ZNF37A: variants seen among roughly 807,000 people sequenced by gnomAD.
The protein encoded by ZNF37A is zinc finger protein 37A, also known as zinc finger protein 37a (KOX 21).
In ZNF37A, 10 loss-of-function variants were observed where a neutral mutation model predicts 12.3. The ratio of observed to expected loss-of-function variants is 0.82; its 90% confidence interval spans 0.50 to 1.38. ZNF37A has a LOEUF of 1.38. ZNF37A is among the 40% of genes most tolerant of loss of function. The probability of loss-of-function intolerance (pLI) is 0.00; values close to 1 mark genes in which losing one functional copy is unlikely to be tolerated. For synonymous variants in ZNF37A, 207 were observed against 223.0 expected (o/e 0.93, Z 0.64); for missense variants, 580 against 651.2 (o/e 0.89, Z 1.19).
intron 7 of ZNF37A, chr10:38,141,079 G>T (rs1222652236): frequency 6.6e-6 from 1 of 151,752 alleles, no homozygotes; most frequent in African/African-American, 2.4e-5. Context: ...GGTGAAACTT[G>T]AGGAGGAAAC....
intron 7 of ZNF37A, among the ~76,000 whole-genome samples, chr10:38,131,131 A>G (rs1357514647): frequency 6.6e-6 from 1 of 152,112 alleles, no homozygotes; most frequent in Non-Finnish European, 1.5e-5. Flanking sequence ...TATGGTTGGC[A>G]ATTATTTTAT....
chr10:38,110,810 A>G (rs978860268), intron 5 of ZNF37A, among the ~76,000 whole-genome samples: 1 of 152,246 alleles, frequency 6.6e-6, no homozygotes, highest in African/African-American at 2.4e-5. Flanking sequence ...TAGAATAGCA[A>G]TCATTAAAAA....
chr10:38,099,173 A>G (rs759212436), intron 5 of ZNF37A, among the ~76,000 whole-genome samples: 6 of 152,170 alleles, frequency 3.9e-5, no homozygotes, highest in Non-Finnish European at 8.8e-5. Flanking sequence ...TGGGATGTAC[A>G]ATTCAGAAGC....
intron 5 of ZNF37A, among the ~76,000 whole-genome samples, chr10:38,112,973 A>G (rs1013547814): frequency 2.3e-4 from 35 of 151,230 alleles, no homozygotes; most frequent in African/African-American, 8.3e-4. Context: ...ATGTCTGGCT[A>G]ATTTTTGTAT....
chr10:38,108,513 A>G (rs2068337539), intron 5 of ZNF37A, among the ~76,000 whole-genome samples: 1 of 152,202 alleles, frequency 6.6e-6, no homozygotes, highest in African/African-American at 2.4e-5. Context: ...ACGGAGATAG[A>G]GATACGAAAA....
At chr10:38,106,804 G>C (rs995306801) in intron 5 of ZNF37A, among the ~76,000 whole-genome samples, 15 of 151,970 alleles carry the variant, frequency 9.9e-5, no homozygotes, top group Non-Finnish European at 1.8e-4. Flanking sequence ...CAAGATTAGA[G>C]AAAAAAGAAT....
At position 38,099,330 on chromosome 10, in the gene ZNF37A, A is replaced by G. The variant is rs550748136; in HGVS notation, c.15+2698A>G. 4.6e-5 allele frequency among the ~76,000 whole-genome samples: 7 copies of G among 152,280 alleles called. 2 individuals are homozygous for G. Among genetic ancestry groups the G allele is most frequent in the African/African-American group, 1.4e-4 (6 of 41,568 alleles). ...CAACCACCATCCTACTTTCTGTTCT[A>G]TGAGTTTCACTACTTTTGCTATATC... On this transcript the variant is annotated intron_variant, in intron 5 of 7. Transcript: ENST00000685332.
At chr10:38,116,086 A>G (rs2069248555) in intron 7 of ZNF37A, among the ~76,000 whole-genome samples, 2 of 152,166 alleles carry the variant, frequency 1.3e-5, no homozygotes, top group Non-Finnish European at 2.9e-5. Flanking sequence ...ATAAAAAGCA[A>G]TTAAAATTAA....
intron 2 of ZNF37A, 64 bp from the exon 3 acceptor site, chr10:38,095,474 G>T (rs1367052154): frequency 6.6e-6 from 1 of 152,336 alleles, no homozygotes; most frequent in Non-Finnish European, 1.5e-5. Context: ...GCGGAGGGAA[G>T]AGCTTAGCAG....
chr10:38,134,466 C>G (rs12782054), intron 7 of ZNF37A, among the ~76,000 whole-genome samples: 4,382 of 152,204 alleles, frequency 0.029, 122 homozygotes, highest in African/African-American at 0.077. Flanking sequence ...ATACAGATGG[C>G]GTTTTGGTGT....
intron 7 of ZNF37A, among the ~76,000 whole-genome samples, chr10:38,145,523 C>T (rs1411968804): frequency 6.6e-6 from 1 of 152,120 alleles, no homozygotes; most frequent in Admixed American, 6.6e-5. Context: ...CACATTATCT[C>T]TACATTTTTC....
intron 5 of ZNF37A, among the ~76,000 whole-genome samples, chr10:38,109,765 C>A (rs531496005): frequency 2.8e-4 from 42 of 152,162 alleles, no homozygotes; most frequent in South Asian, 8.3e-4. Flanking sequence ...GAATAAAATA[C>A]CTAGGAATAC....
chr10:38,146,871 C>T (rs953240993), exon 8 of ZNF37A: 12 of 396,874 alleles, frequency 3.0e-5, no homozygotes, highest in African/African-American at 1.2e-4. Context: ...AAGTGGGAAT[C>T]GGGGATAACA....
intron 2 of ZNF37A, 79 bp downstream of exon 2, chr10:38,095,303 T>C: frequency 6.6e-6 from 1 of 152,420 alleles, no homozygotes; most frequent in Non-Finnish European, 1.5e-5. Flanking sequence ...GACACCTCAC[T>C]AGAGATCTAG....
At chr10:38,112,758 T>TCTCGG (rs1564932079) in intron 5 of ZNF37A, among the ~76,000 whole-genome samples, 3 of 130,206 alleles carry the variant, frequency 2.3e-5, no homozygotes, top group Non-Finnish European at 3.3e-5. Context: ...TTCTTTTCTT[T>TCTCGG]TCTTTTCTTT....
At chr10:38,104,209 T>A (rs2067834980) in intron 5 of ZNF37A, among the ~76,000 whole-genome samples, 1 of 152,152 alleles carries the variant, frequency 6.6e-6, no homozygotes, top group African/African-American at 2.4e-5. Context: ...TTTAAATGCT[T>A]TCAACAAGCA....
chr10:38,134,649 C>G (rs2070082001), intron 7 of ZNF37A, among the ~76,000 whole-genome samples: 1 of 151,634 alleles, frequency 6.6e-6, no homozygotes, highest in African/African-American at 2.4e-5. Context: ...GATCCTTCCT[C>G]TGGAAGCTTT....
chr10:38,113,411 C>T (rs2068990269), intron 5 of ZNF37A, among the ~76,000 whole-genome samples: 1 of 151,876 alleles, frequency 6.6e-6, no homozygotes, highest in African/African-American at 2.4e-5. Flanking sequence ...TGGGGTTTTA[C>T]CATGTTGGCC....
chr10:38,134,269 C>T (rs1564386911), intron 7 of ZNF37A, among the ~76,000 whole-genome samples: 1 of 152,190 alleles, frequency 6.6e-6, no homozygotes, highest in Non-Finnish European at 1.5e-5. Flanking sequence ...TATTACCGAT[C>T]GTCTGAAGCC....
Sources: allele counts gnomAD v4.1 joint callset (sites outside exome capture counted in the v4.1 genomes callset), GRCh38; gene constraint gnomAD v4.1.1; transcripts MANE v1.5; gene names NCBI Gene and HGNC (gene_info 2026-07-23, HGNC 2026-07-21).